JAG1: variants seen among roughly 807,000 people sequenced by gnomAD.
The protein encoded by JAG1 is jagged canonical Notch ligand 1.
Under a neutral mutation model 148.7 loss-of-function variants are expected in JAG1, and 23 were observed. The ratio of observed to expected loss-of-function variants is 0.15; its 90% CI spans 0.11 to 0.22. JAG1 has a LOEUF of 0.22. Ranked by LOEUF, JAG1 falls within the 10% of genes least tolerant of loss-of-function variation. JAG1 has a pLI of 1.00. For missense variants in JAG1, 1,054 were observed against 1,611.2 expected, an observed-to-expected ratio of 0.65 and a Z score of 5.92; for synonymous variants, 572 against 598.3, an observed-to-expected ratio of 0.96 and a Z score of 0.64.
chr20:10,644,480 G>T, intron 18 of JAG1, 96 bp from the exon 19 acceptor site: 2 of 974,378 alleles, frequency 2.1e-6, no homozygotes, highest in Non-Finnish European at 3.3e-6. Flanking sequence ...ATACCCAAAT[G>T]ATAAAGTCGT....
At chr20:10,668,482 G>A (rs927097828) in intron 2 of JAG1, among the ~76,000 whole-genome samples, 2 of 152,132 alleles carry the variant, frequency 1.3e-5, no homozygotes, top group Non-Finnish European at 1.5e-5. Context: ...GGATTACAAC[G>A]CTAATTGTAT....
rs751442008 is a variant in JAG1 at position 10,652,204 on chromosome 20, A to G, written c.933T>C (p.Thr311=). The change falls in exon 7 of 26, where the codon ACT becomes ACC. Residue 311 remains threonine (T), a synonymous_variant. Coordinates refer to ENST00000254958, the MANE Select transcript of JAG1 (RefSeq NM_000214.3). ...ATTTGTCAGGGCCTGTGTTGCTACA[A>G]GTTCCCCCGTTGAGACACGGCTGAT... ...GTHQPCLNGG[T]CSNTGPDKYQ... is the part of the protein sequence containing the mutation. 1.9e-6 allele frequency: 3 copies of G among 1,613,980 alleles called. No individual in the cohort carries two copies. Among genetic ancestry groups the G allele is most frequent in the South Asian group, 2.2e-5 (2 of 91,092 alleles).
intron 2 of JAG1, 60 bp from the exon 3 acceptor site, chr20:10,664,074 T>C: frequency 7.2e-7 from 1 of 1,381,512 alleles, no homozygotes; most frequent in East Asian, 2.3e-5. Context: ...CAAAATCTCG[T>C]ACATTCTTGG....
Position 10,645,815 on chromosome 20 carries a change from T to A in JAG1, c.1999+156A>T. ...ATAAGCTATCATCAGGACTCATAAATGCAAATGAGACACAAGTGATACTGT... is the reference window on the plus strand; with the variant it reads ...ATAAGCTATCATCAGGACTCATAAAAGCAAATGAGACACAAGTGATACTGT... On this transcript the variant is annotated intron_variant, in intron 15 of 25. Coordinates refer to ENST00000254958, the MANE Select transcript of JAG1 (RefSeq NM_000214.3). This position sits in a 1 kb window ranked among gnomAD's most constrained non-coding sequence, Gnocchi z 6.1. 1 of 705,040 alleles carries A rather than the reference T, an allele frequency of 1.4e-6. No homozygotes were observed. 43.7% of individuals were successfully genotyped at this position (705,040 alleles called of 1,614,324 possible). A position where few individuals can be genotyped will look rare whatever the true frequency, so the allele number is the denominator to read the frequency against.
chr20:10,666,142 G>A (rs1228337832), intron 2 of JAG1, among the ~76,000 whole-genome samples: 2 of 152,006 alleles, frequency 1.3e-5, no homozygotes, highest in African/African-American at 4.8e-5. Context: ...GTCTCCTGGG[G>A]CAGGAGGATT....
chr20:10,642,345 C>T (rs2067278173), intron 21 of JAG1, 143 bp downstream of exon 21: 2 of 696,578 alleles, frequency 2.9e-6, no homozygotes, highest in African/African-American at 3.5e-5. Context: ...TTGGGGAAGA[C>T]TCTTCACGTT....
At chr20:10,648,812 C>T (rs1035687252) in intron 11 of JAG1, 90 bp from the exon 12 acceptor site, 8 of 1,311,988 alleles carry the variant, frequency 6.1e-6, no homozygotes, top group East Asian at 2.4e-5. Context: ...ATGACTGTTG[C>T]GGTTTAGCTG....
intron 18 of JAG1, chr20:10,644,612 A>C (rs1357733086): frequency 1.6e-6 from 1 of 642,640 alleles, no homozygotes; most frequent in African/African-American, 1.8e-5. Flanking sequence ...GGTGGGGGTG[A>C]GAATGGAAGG....
intron 2 of JAG1, among the ~76,000 whole-genome samples, chr20:10,666,165 C>A (rs1419952601): frequency 2.0e-5 from 3 of 152,180 alleles, no homozygotes; most frequent in Non-Finnish European, 2.9e-5. Context: ...TCCTGCCCAG[C>A]CCTACAGAGA....
At chr20:10,650,913 C>T (rs73898803) in intron 8 of JAG1, 15,811 of 162,624 alleles carry the variant, frequency 0.097, 940 homozygotes, top group African/African-American at 0.18. Context: ...AAAGAGGGCC[C>T]GGGGAGCTTC....
At position 10,638,112 on chromosome 20, in the gene JAG1, CCAA is replaced by C. The variant is rs2067245147; in HGVS notation, c.*1383_*1385del. 1 of 152,632 alleles carries C rather than the reference CCAA, an allele frequency of 6.6e-6. No individual in the cohort carries two copies. The highest frequency in any genetic ancestry group is 2.4e-5 in the African/African-American group (1 of 41,456). The allele number at this position is 152,632 out of a possible 1,614,324, so 9.5% of individuals were successfully genotyped here. On this transcript the variant is annotated 3_prime_UTR_variant, in exon 26 of 26. Transcript: ENST00000254958. ...GTATCTTCACGGTCTCAATGGTGAA[CCAA>C]CAAGATTACTCTGTTTTATAAGCCT...
In JAG1 at chr20:10,652,135, T is replaced by G; in HGVS notation, c.1002A>C (p.Glu334Asp). Residue 334 changes from glutamate (E) to aspartate (D), a missense_variant, in exon 7 of 26, where the codon GAA becomes GAC. Glu to Asp is a conservative substitution (Grantham distance 45). Coordinates refer to ENST00000254958, the MANE Select transcript of JAG1 (RefSeq NM_000214.3). ...CPEGYSGPNCEIAEHACLSDP... is the reference protein window; with the variant it reads ...CPEGYSGPNCDIAEHACLSDP... ...CATTCATCTTGGACCACTTACCAAT[T>G]TCACAGTTGGGTCCTGAATACCCCT... 1 of 1,614,058 alleles carries G rather than the reference T, an allele frequency of 6.2e-7. No individual in the cohort carries two copies.
chr20:10,653,093 A>G (rs1415459257), intron 5 of JAG1, among the ~76,000 whole-genome samples: 3 of 151,588 alleles, frequency 2.0e-5, no homozygotes, highest in Non-Finnish European at 4.4e-5. Context: ...CCTCACGATG[A>G]CGCTTTATTT....
chr20:10,673,062 A>G lies in JAG1; in HGVS notation c.82-56T>C. The G allele has an allele frequency of 5.8e-6, 9 of 1,547,616 alleles. No homozygotes were observed. Among genetic ancestry groups the G allele is most frequent in the Non-Finnish European group, 7.9e-6 (9 of 1,135,158 alleles). Reference sequence around the variant, plus strand: ...CGGGAGAAAGCTGTTTTCTTCGAGTATAGAGGTGGCGACTCCCTCCCACTC... The same window carrying G: ...CGGGAGAAAGCTGTTTTCTTCGAGTGTAGAGGTGGCGACTCCCTCCCACTC... On this transcript the variant is annotated intron_variant, in intron 1 of 25. Coordinates refer to ENST00000254958, the MANE Select transcript of JAG1 (RefSeq NM_000214.3). The surrounding 1 kb of genome is among the most constrained non-coding windows in gnomAD (Gnocchi z 4.7).
In JAG1 at chr20:10,643,881, A is replaced by G. The variant is rs779762642; in HGVS notation, c.2373-18T>C. 2.5e-6 allele frequency: 4 copies of G among 1,596,236 alleles called. No individual in the cohort carries two copies. The highest frequency in any genetic ancestry group is 3.4e-6 in the Non-Finnish European group (4 of 1,164,874). On this transcript the variant is annotated intron_variant, in intron 19 of 25. Coordinates refer to ENST00000254958, the MANE Select transcript of JAG1 (RefSeq NM_000214.3). ...TGTTGTAACTAAGAAAGCAAAGACC[A>G]CCTTGGTTACCAACCTCCCAGTCCA...
intron 4 of JAG1, 71 bp downstream of exon 4, chr20:10,658,397 C>G (rs2067392403): frequency 1.9e-6 from 3 of 1,596,108 alleles, no homozygotes; most frequent in Non-Finnish European, 1.7e-6. Context: ...ATGCCACCTG[C>G]CTGCTGGTGG....
chr20:10,672,139 C>A (rs1177732517), intron 2 of JAG1, among the ~76,000 whole-genome samples: 3 of 152,172 alleles, frequency 2.0e-5, no homozygotes, highest in African/African-American at 4.8e-5. Flanking sequence ...CGGCCGCCCC[C>A]GGCCCTTAAG....
chr20:10,662,745 C>A (rs938541028), intron 3 of JAG1, among the ~76,000 whole-genome samples: 2 of 152,118 alleles, frequency 1.3e-5, no homozygotes, highest in Non-Finnish European at 2.9e-5. Flanking sequence ...GCCACCCCCA[C>A]ACACACCCCC....
chr20:10,651,023 T>C (rs1310629514), intron 8 of JAG1: 1 of 159,380 alleles, frequency 6.3e-6, no homozygotes, highest in Non-Finnish European at 1.4e-5. Context: ...CCTGGGGTGC[T>C]GATGACAGCG....
Sources: gnomAD v4.1 joint callset for allele counts (sites outside exome capture counted in the v4.1 genomes callset) on GRCh38, gnomAD v4.1.1 for gene constraint, Gnocchi (gnomAD v3.1) non-coding constraint, MANE v1.5 for transcripts, NCBI Gene and HGNC (gene_info 2026-07-23, HGNC 2026-07-21) for gene names.